QSER1: variants seen among roughly 807,000 people sequenced by gnomAD.
The protein encoded by QSER1 is glutamine and serine-rich protein 1.
In QSER1, 49 loss-of-function variants were observed where a neutral mutation model predicts 158.5. The ratio of observed to expected loss-of-function variants is 0.31; its 90% CI spans 0.25 to 0.39. The LOEUF is 0.39. Ranked by LOEUF, QSER1 falls within the 10% of genes least tolerant of loss-of-function variation. The pLI is 1.00. For missense variants in QSER1, 1,754 were observed against 2,010.3 expected, an observed-to-expected ratio of 0.87 and a Z score of 2.44; for synonymous variants, 650 against 715.5, an observed-to-expected ratio of 0.91 and a Z score of 1.46.
At chr11:32,895,070 C>A (rs1055418397) in intron 1 of QSER1, among the ~76,000 whole-genome samples, 2 of 152,122 alleles carry the variant, frequency 1.3e-5, no homozygotes, top group Admixed American at 6.5e-5. Flanking sequence ...TAGTAGAATA[C>A]TTCTGAGGCA....
rs375104359 is a variant in QSER1, at chr11:32,932,901, C to T, written c.1643C>T (p.Ser548Leu). 11 of 1,613,922 alleles carry T rather than the reference C, an allele frequency of 6.8e-6. No individual in the cohort carries two copies. The African/African-American group carries it at 1.2e-4, about 18-fold the overall frequency. Residue 548 changes from serine to leucine, a missense_variant, in exon 4 of 13, where the codon TCA (serine) becomes TTA (leucine). Ser to Leu is a moderately radical substitution (Grantham distance 145). Around this residue, in one of 2 missense-constraint regions of QSER1, gnomAD observed 1,707 missense variants for 1,919.6 expected, o/e 0.89. Coordinates refer to ENST00000650167, the MANE Select transcript of QSER1 (RefSeq NM_001076786.3). Reference sequence around the variant, plus strand: ...CCTGCTCAAACAAGAGATCTGTCTTCAGTAAGTCAGTCTCAAAGTTACTCA... The same window carrying T: ...CCTGCTCAAACAAGAGATCTGTCTTTAGTAAGTCAGTCTCAAAGTTACTCA... ...NYPAQTRDLS[S>L]VSQSQSYSSG...
chr11:32,958,404 T>G (rs1404182575), intron 8 of QSER1, among the ~76,000 whole-genome samples: 2 of 152,114 alleles, frequency 1.3e-5, no homozygotes, highest in East Asian at 3.9e-4. Flanking sequence ...TTTTTTTTTT[T>G]TGAGACAAGG....
Position 32,932,776 on chromosome 11 carries a change from T to C in QSER1, c.1518T>C (p.Thr506=). ...EKLPPLYKTL[T]FSGSSQTVTP... ...TGCCACCCTTGTATAAAACATTGAC[T>C]TTTTCTGGGTCATCTCAGACTGTAA... The change falls in exon 4 of 13, where the codon ACT becomes ACC. Residue 506 remains threonine (T), a synonymous_variant. Transcript: ENST00000650167. 1 of 1,614,034 alleles carries C rather than the reference T, an allele frequency of 6.2e-7. No homozygotes were observed. The highest frequency in any genetic ancestry group is 8.5e-7 in the Non-Finnish European group (1 of 1,179,984).
rs1441722786 is a variant in QSER1 at position 32,941,229 on chromosome 11, TA to T, written c.4177+5795del. Among the ~76,000 whole-genome samples, 88 of 150,180 alleles carry T rather than the reference TA, an allele frequency of 5.9e-4. 1 individual carries two copies. The highest frequency in any genetic ancestry group is 1.1e-3 in the African/African-American group (44 of 41,180). On this transcript the variant is annotated intron_variant, in intron 4 of 12. Coordinates refer to ENST00000650167, the MANE Select transcript of QSER1 (RefSeq NM_001076786.3). ...TTTTTGTTTTTATTATTATTATTAT[TA>T]TTATTATTTTTAATTATTATACTTT...
At chr11:32,913,036 T>C (rs947505753) in intron 1 of QSER1, among the ~76,000 whole-genome samples, 9 of 152,126 alleles carry the variant, frequency 5.9e-5, no homozygotes, top group Non-Finnish European at 1.3e-4. Flanking sequence ...CTACCTCATA[T>C]CCCTGTTCTC....
chr11:32,978,008 G>T lies in QSER1; in HGVS notation c.*1534G>T, dbSNP rs951538693. 1 of 152,580 alleles carries T rather than the reference G, an allele frequency of 6.6e-6. No homozygotes were observed. The highest frequency in any genetic ancestry group is 1.5e-5 in the Non-Finnish European group (1 of 68,024). The allele number at this position is 152,580 out of a possible 1,614,324, so 9.5% of individuals were successfully genotyped here. On this transcript the variant is annotated 3_prime_UTR_variant, in exon 13 of 13. Transcript: ENST00000650167. ...ACTGGCAAAGAATTGAAGGTAATGTGATTTGATTTGAGAATAAAACATTGT... is the reference window on the plus strand; with the variant it reads ...ACTGGCAAAGAATTGAAGGTAATGTTATTTGATTTGAGAATAAAACATTGT...
At chr11:32,966,722 A>G (rs1043352000) in intron 9 of QSER1, among the ~76,000 whole-genome samples, 3 of 152,198 alleles carry the variant, frequency 2.0e-5, no homozygotes, top group African/African-American at 7.2e-5. Flanking sequence ...ACTAAGTGTT[A>G]GTATTACATG....
intron 1 of QSER1, among the ~76,000 whole-genome samples, chr11:32,911,554 G>A (rs759608091): frequency 3.3e-5 from 5 of 152,078 alleles, no homozygotes; most frequent in African/African-American, 7.2e-5. Flanking sequence ...ACATGTCAAG[G>A]GAGACCTTGA....
At chr11:32,914,128 G>A (rs1018770759) in intron 1 of QSER1, among the ~76,000 whole-genome samples, 1 of 152,134 alleles carries the variant, frequency 6.6e-6, no homozygotes, top group Admixed American at 6.5e-5. Context: ...TTAATTCAGT[G>A]GACTTAGTGT....
At position 32,976,445 on chromosome 11, in the gene QSER1, C is replaced by T. The variant is rs1452315493; in HGVS notation, c.5566C>T (p.Leu1856=). Residue 1856 remains leucine, a synonymous_variant, in exon 13 of 13, where the codon CTA becomes TTA. Coordinates refer to ENST00000650167, the MANE Select transcript of QSER1 (RefSeq NM_001076786.3). ...CCTCTTTGAAAAATTTGGAGAACTT[C>T]TAAATCATGTACAGCAGAAATGTTC... is the stretch of plus-strand genomic sequence containing the variant. ...EDLFEKFGEL[L]NHVQQKCS The T allele has an allele frequency of 1.9e-6, 3 of 1,607,418 alleles. No individual in the cohort carries two copies. Among genetic ancestry groups the T allele is most frequent in the Admixed American group, 3.4e-5 (2 of 58,450 alleles).
At position 32,932,493 on chromosome 11, in the gene QSER1, G is replaced by A. The variant is rs1334574063; in HGVS notation, c.1235G>A (p.Cys412Tyr). 1.2e-6 allele frequency: 2 copies of A among 1,613,946 alleles called. No individual in the cohort carries two copies. The highest frequency in any genetic ancestry group is 3.3e-5 in the Admixed American group (2 of 59,996). The change falls in exon 4 of 13, where the codon TGT (cysteine) becomes TAT (tyrosine). Residue 412 changes from cysteine (C) to tyrosine (Y), a missense_variant. Cys to Tyr is a radical substitution (Grantham distance 194, BLOSUM62 -2). Transcript: ENST00000650167. ...YPPSTTKIKS[C>Y]STEQPLTSTK... ...CCTTCTACTACAAAAATAAAAAGCT[G>A]TTCTACAGAACAACCACTGACATCA...
chr11:32,949,234 C>CA (rs1852384736), intron 4 of QSER1, among the ~76,000 whole-genome samples: 1 of 152,126 alleles, frequency 6.6e-6, no homozygotes, highest in African/African-American at 2.4e-5. Context: ...TTCCTTTTCT[C>CA]AGAGTCTGCT....
At chr11:32,947,074 C>CA (rs1852347348) in intron 4 of QSER1, among the ~76,000 whole-genome samples, 16 of 152,254 alleles carry the variant, frequency 1.1e-4, no homozygotes, top group Admixed American at 1.0e-3. Flanking sequence ...GGCAATGCCT[C>CA]ACCCTGCTTT....
intron 4 of QSER1, among the ~76,000 whole-genome samples, chr11:32,945,006 CT>C (rs1236588190): frequency 7.2e-6 from 1 of 139,618 alleles, no homozygotes; most frequent in Admixed American, 7.3e-5. Context: ...TTCTTTGTCT[CT>C]TTTGATCTTT....
intron 4 of QSER1, among the ~76,000 whole-genome samples, chr11:32,947,937 C>T (rs969808945): frequency 1.3e-5 from 2 of 152,050 alleles, no homozygotes; most frequent in African/African-American, 4.8e-5. Context: ...TTTTCCATAT[C>T]TATGTTTTCT....
intron 4 of QSER1, among the ~76,000 whole-genome samples, chr11:32,950,537 A>G (rs1234887482): frequency 6.6e-6 from 1 of 152,238 alleles, no homozygotes; most frequent in Non-Finnish European, 1.5e-5. Flanking sequence ...TGGTATTTGA[A>G]GTATTTTTTA....
At chr11:32,961,699 TG>T (rs765865635) in intron 8 of QSER1, among the ~76,000 whole-genome samples, 4 of 152,196 alleles carry the variant, frequency 2.6e-5, no homozygotes, top group Non-Finnish European at 5.9e-5. Context: ...ACCTATTTTT[TG>T]TATTTGTGAT....
Position 32,934,870 on chromosome 11 carries a change from AGCTAAAGGAAAAGG to A in QSER1, c.3615_3628del (p.Lys1206SerfsTer2). On this transcript the variant is annotated frameshift_variant, in exon 4 of 13. Transcript: ENST00000650167. LOFTEE classifies it high-confidence loss of function. ...TGCATTTTAACCTTCAAAAGAAAAG[AGCTAAAGGAAAAGG>A]GCAAGTTAAAGAGGAAGACAACAGT... 6.2e-7 allele frequency: 1 copy of A among 1,614,080 alleles called. No homozygotes were observed. The highest frequency in any genetic ancestry group is 8.5e-7 in the Non-Finnish European group (1 of 1,180,002).
At chr11:32,946,385 T>C (rs1368659423) in intron 4 of QSER1, among the ~76,000 whole-genome samples, 1 of 151,594 alleles carries the variant, frequency 6.6e-6, no homozygotes, top group Non-Finnish European at 1.5e-5. Context: ...CTTTTGGTCT[T>C]TGATGATGGT....
Sources: gnomAD v4.1 joint callset for allele counts (sites outside exome capture counted in the v4.1 genomes callset) on GRCh38, gnomAD v4.1.1 for gene constraint, gnomAD v4.1.1 regional missense constraint, MANE v1.5 for transcripts, NCBI Gene and HGNC (gene_info 2026-07-23, HGNC 2026-07-21) for gene names.